The following S100Z variants were observed in gnomAD, a reference collection of about 807,000 sequenced individuals.
S100Z encodes protein S100-Z.
Under a neutral mutation model 8.5 loss-of-function variants are expected in S100Z, and 11 were observed. The ratio of observed to expected loss-of-function variants is 1.30; its 90% confidence interval spans 0.82 to 2.15. The LOEUF (loss-of-function observed/expected upper bound fraction) is 2.15, where lower values mean the gene tolerates loss of function less well. Among genes scored for constraint, S100Z ranks in the 30% most tolerant of loss-of-function variants. The pLI, the probability that S100Z is intolerant of heterozygous loss-of-function variation, is 0.00. For missense variants in S100Z, 126 were observed against 117.9 expected (o/e 1.07, Z -0.32); for synonymous variants, 34 against 43.8 (o/e 0.78, Z 0.89).
At chr5:76,938,385 G>A in the S100Z span, among the ~76,000 whole-genome samples, 1 of 152,138 alleles carries the variant, frequency 6.6e-6, no homozygotes, top group African/African-American at 2.4e-5. Context: ...GGATTTTTGG[G>A]TTCTGGTTTT....
chr5:76,905,070 A>C (rs1234790356), intron 4 of S100Z, among the ~76,000 whole-genome samples: 2 of 152,164 alleles, frequency 1.3e-5, no homozygotes, highest in African/African-American at 4.8e-5. Context: ...GCTGGCCTCT[A>C]GTGGGTAGAG....
intron 1 of S100Z, among the ~76,000 whole-genome samples, chr5:76,859,020 A>G (rs2150622424): frequency 6.6e-6 from 1 of 152,292 alleles, no homozygotes; most frequent in East Asian, 1.9e-4. Context: ...AGGCTGAGGC[A>G]TGAGAATCTC....
At position 76,877,901 on chromosome 5, in the gene S100Z, C is replaced by T. The variant is rs77606573; in HGVS notation, c.*2+67C>T. 8.5e-4 allele frequency: 950 copies of T among 1,119,642 alleles called. 9 individuals carry two copies. In the African/African-American group the frequency reaches 0.013, roughly 15 times the overall value. The allele number at this position is 1,119,642 out of a possible 1,614,324, so 69.4% of individuals were successfully genotyped here. On this transcript the variant is annotated intron_variant, in intron 4 of 4. Coordinates refer to ENST00000317593, the MANE Select transcript of S100Z (RefSeq NM_130772.4). ...TTATGTACTTAATGTTCATTTATAC[C>T]GTTCAGATCTATAGACCCAGTAATG...
chr5:76,893,458 G>A (rs1259447985), intron 4 of S100Z, among the ~76,000 whole-genome samples: 1 of 151,884 alleles, frequency 6.6e-6, no homozygotes, highest in African/African-American at 2.4e-5. Flanking sequence ...TGGGAGGATT[G>A]ATTGAACCTA....
chr5:76,937,536 G>T, the S100Z span, among the ~76,000 whole-genome samples: 6 of 152,068 alleles, frequency 3.9e-5, no homozygotes, highest in African/African-American at 1.4e-4. Context: ...TGAGCAGATT[G>T]CTTCAGCCCA....
At chr5:76,888,137 G>T (rs540881423) in intron 4 of S100Z, among the ~76,000 whole-genome samples, 46 of 151,342 alleles carry the variant, frequency 3.0e-4, no homozygotes, top group Non-Finnish European at 5.3e-4. Context: ...TGTGCCTGTA[G>T]TCCCAGCTAC....
At chr5:76,879,428 A>T (rs1743315906) in intron 4 of S100Z, among the ~76,000 whole-genome samples, 1 of 152,194 alleles carries the variant, frequency 6.6e-6, no homozygotes, top group Non-Finnish European at 1.5e-5. Flanking sequence ...TAGGGTTTTG[A>T]TCAAGCAAAT....
chr5:76,885,853 G>T (rs1743605270), intron 4 of S100Z, among the ~76,000 whole-genome samples: 1 of 148,992 alleles, frequency 6.7e-6, no homozygotes, highest in South Asian at 2.2e-4. Flanking sequence ...AAGGGGTGGG[G>T]GGTGCTTGTT....
rs184862168 is a variant in S100Z at position 76,882,136 on chromosome 5, A to T, written c.*2+4302A>T. Among the ~76,000 whole-genome samples, 364 of 152,260 alleles carry T rather than the reference A, an allele frequency of 2.4e-3. 2 individuals are homozygous for T. Among genetic ancestry groups the T allele is most frequent in the African/African-American group, 8.4e-3 (349 of 41,566 alleles). On this transcript the variant is annotated intron_variant, in intron 4 of 4. Coordinates refer to ENST00000317593, the MANE Select transcript of S100Z (RefSeq NM_130772.4). ...GAGGTAGTGGAGGGGGGCAGAAATT[A>T]TATGCGTCAGGTGTGAGGAAGAAAA... is the stretch of plus-strand genomic sequence containing the variant.
the S100Z span, among the ~76,000 whole-genome samples, chr5:76,941,074 A>G: frequency 2.0e-5 from 3 of 152,158 alleles, no homozygotes; most frequent in East Asian, 5.8e-4. Flanking sequence ...GAGACTGGGT[A>G]ATCTGTAAAG....
chr5:76,919,221 G>A (rs1361737951), intron 4 of S100Z, among the ~76,000 whole-genome samples: 1 of 152,176 alleles, frequency 6.6e-6, no homozygotes, highest in African/African-American at 2.4e-5. Context: ...CACAACTACT[G>A]GATTGGATAG....
chr5:76,860,340 G>A (rs1237856389), intron 1 of S100Z, among the ~76,000 whole-genome samples: 1 of 152,092 alleles, frequency 6.6e-6, no homozygotes, highest in East Asian at 1.9e-4. Flanking sequence ...GGGAAAATAT[G>A]GGCTTGCATC....
rs1743156905 is a variant in S100Z at position 76,875,470 on chromosome 5, C to T, written c.111C>T (p.Leu37=). ...TCAGCAAGGGGGAACTGAAACTGCT[C>T]CTGCAGCGAGAGCTCACGGAATTCC... ...FKLSKGELKL[L]LQRELTEFLS... The change falls in exon 3 of 5, where the codon CTC becomes CTT. Residue 37 remains leucine, a synonymous_variant. Coordinates refer to ENST00000317593, the MANE Select transcript of S100Z (RefSeq NM_130772.4). 3.1e-6 allele frequency: 5 copies of T among 1,611,814 alleles called. No homozygotes were observed. The highest frequency in any genetic ancestry group is 1.1e-5 in the South Asian group (1 of 90,800).
chr5:76,944,677 TC>T, the S100Z span, among the ~76,000 whole-genome samples: 1 of 152,202 alleles, frequency 6.6e-6, no homozygotes, highest in African/African-American at 2.4e-5. Flanking sequence ...ATTTAGATCC[TC>T]TTCTGTCACT....
At chr5:76,877,582 T>C (rs1743241324) in intron 3 of S100Z, 92 bp from the exon 4 acceptor site, 1 of 802,872 alleles carries the variant, frequency 1.2e-6, no homozygotes, top group African/African-American at 1.7e-5. Context: ...AAATGGAAAT[T>C]AGGAATTTAA....
intron 4 of S100Z, among the ~76,000 whole-genome samples, chr5:76,888,933 T>G (rs1743759146): frequency 1.3e-5 from 2 of 152,162 alleles, no homozygotes; most frequent in Non-Finnish European, 2.9e-5. Flanking sequence ...TTGCCCCACA[T>G]GTGACTGGCT....
intron 3 of S100Z, among the ~76,000 whole-genome samples, chr5:76,877,177 C>G (rs759751911): frequency 2.0e-5 from 3 of 152,118 alleles, no homozygotes; most frequent in African/African-American, 2.4e-5. Flanking sequence ...TCTAGCGACC[C>G]TGGTGCTCTA....
intron 1 of S100Z, among the ~76,000 whole-genome samples, chr5:76,853,658 G>A (rs1028710125): frequency 6.4e-4 from 98 of 152,240 alleles, no homozygotes; most frequent in African/African-American, 2.1e-3. Flanking sequence ...TTAGCCAGGT[G>A]TGATGGTGCA....
chr5:76,853,165 T>C (rs1184267564), intron 1 of S100Z, among the ~76,000 whole-genome samples: 1 of 152,222 alleles, frequency 6.6e-6, no homozygotes, highest in Non-Finnish European at 1.5e-5. Context: ...CTGATCTGGC[T>C]ATATTAATTT....
Sources: gnomAD v4.1 joint callset for allele counts (sites outside exome capture counted in the v4.1 genomes callset) on GRCh38, gnomAD v4.1.1 for gene constraint, MANE v1.5 for transcripts, NCBI Gene and HGNC (gene_info 2026-07-23, HGNC 2026-07-21) for gene names.